The following DACH1 variants were observed in gnomAD, a reference collection of about 807,000 sequenced individuals.
DACH1 encodes the protein dachshund homolog 1.
A neutral mutation model predicts 54.2 loss-of-function variants in DACH1; 12 were observed. The observed-to-expected ratio is 0.22, with a 90% CI of 0.14 to 0.36. The LOEUF (loss-of-function observed/expected upper bound fraction) is 0.36. Ranked by LOEUF, DACH1 falls within the 10% of genes least tolerant of loss-of-function variation. The pLI is 1.00. For synonymous variants in DACH1, 386 were observed against 366.2 expected, an observed-to-expected ratio of 1.05 and a Z score of -0.62; for missense variants, 805 against 929.8, an observed-to-expected ratio of 0.87 and a Z score of 1.75.
chr13:71,688,683 C>G (rs114679066), intron 1 of DACH1, among the ~76,000 whole-genome samples: 234 of 152,216 alleles, frequency 1.5e-3, no homozygotes, highest in African/African-American at 5.5e-3. Context: ...ACAAATATCA[C>G]CAGTGGACAC....
intron 3 of DACH1, among the ~76,000 whole-genome samples, chr13:71,583,212 T>C (rs1872972810): frequency 1.3e-5 from 2 of 152,166 alleles, no homozygotes; most frequent in Admixed American, 6.5e-5. Context: ...TACACAATGA[T>C]TCAATGTCTG....
chr13:71,458,884 A>G (rs1245236697), intron 10 of DACH1, among the ~76,000 whole-genome samples: 1 of 151,826 alleles, frequency 6.6e-6, no homozygotes, highest in Non-Finnish European at 1.5e-5. Context: ...TATTAGAAGT[A>G]TTTGTTTCTG....
chr13:71,494,675 C>T (rs897445733), intron 6 of DACH1, among the ~76,000 whole-genome samples: 5 of 151,910 alleles, frequency 3.3e-5, no homozygotes, highest in African/African-American at 1.2e-4. Flanking sequence ...AAAAATAAAG[C>T]AGCACATATT....
intron 10 of DACH1, among the ~76,000 whole-genome samples, chr13:71,448,201 C>T (rs1166494365): frequency 6.6e-6 from 1 of 152,200 alleles, no homozygotes; most frequent in Admixed American, 6.5e-5. Flanking sequence ...AGATGCCTCA[C>T]TCTTCCAGAG....
Position 71,698,406 on chromosome 13 carries a change from A to T in DACH1, c.849-16496T>A, listed in dbSNP as rs192381190. Among the ~76,000 whole-genome samples the T allele has an allele frequency of 4.1e-4, 62 of 152,244 alleles. 1 individual carries two copies. The East Asian group carries it at 8.7e-3, about 21-fold the overall frequency. On this transcript the variant is annotated intron_variant, in intron 1 of 10. Coordinates refer to ENST00000613252, the MANE Select transcript of DACH1 (RefSeq NM_080759.6). ...CAAAGCTAAAACATACTGATACGAC[A>T]CTGGTAGAATATAATATTTCTCAAA...
chr13:71,597,041 G>C (rs1593958512), intron 3 of DACH1, among the ~76,000 whole-genome samples: 1 of 151,976 alleles, frequency 6.6e-6, no homozygotes, highest in Non-Finnish European at 1.5e-5. Flanking sequence ...AAGAAAACTG[G>C]TATTTGAAGT....
intron 1 of DACH1, among the ~76,000 whole-genome samples, chr13:71,757,488 T>G (rs1222144135): frequency 2.6e-5 from 4 of 151,922 alleles, no homozygotes; most frequent in African/African-American, 9.7e-5. Context: ...CTCACCAGTC[T>G]GTTGTTGAAA....
At chr13:71,662,568 C>T (rs1005338219) in intron 2 of DACH1, among the ~76,000 whole-genome samples, 1 of 151,684 alleles carries the variant, frequency 6.6e-6, no homozygotes, top group African/African-American at 2.4e-5. Flanking sequence ...ATGATAAATC[C>T]CAATAGATGG....
intron 1 of DACH1, among the ~76,000 whole-genome samples, chr13:71,779,194 T>TA (rs1308959657): frequency 1.4e-4 from 18 of 124,602 alleles, no homozygotes; most frequent in South Asian, 1.4e-3. Context: ...TATACGTATA[T>TA]ACGTATATAT....
At chr13:71,835,874 C>A (rs1176712553) in intron 1 of DACH1, among the ~76,000 whole-genome samples, 1 of 152,042 alleles carries the variant, frequency 6.6e-6, no homozygotes, top group Admixed American at 6.6e-5. Flanking sequence ...TCCTACAAAT[C>A]TTCTACTATC....
At chr13:71,704,591 T>A in intron 1 of DACH1, 4 of 469,488 alleles carry the variant, frequency 8.5e-6, no homozygotes, top group Non-Finnish European at 1.7e-5. Flanking sequence ...GAAGCACACT[T>A]TATGAGAACC....
chr13:71,599,828 TACACAC>T (rs113936121), intron 3 of DACH1, among the ~76,000 whole-genome samples: 26 of 146,606 alleles, frequency 1.8e-4, no homozygotes, highest in Non-Finnish European at 2.6e-4. Context: ...AACACATTTC[TACACAC>T]ACACACACAC....
At chr13:71,470,792 T>A (rs1877004188) in intron 10 of DACH1, among the ~76,000 whole-genome samples, 2 of 152,186 alleles carry the variant, frequency 1.3e-5, no homozygotes, top group Admixed American at 1.3e-4. Context: ...GGCACCACTA[T>A]GTGCCAGATA....
chr13:71,518,643 T>C (rs1593824567), intron 6 of DACH1, among the ~76,000 whole-genome samples: 1 of 151,930 alleles, frequency 6.6e-6, no homozygotes, highest in African/African-American at 2.4e-5. Flanking sequence ...TTAGTCCATG[T>C]GTGTTCAAGC....
At chr13:71,819,219 G>A (rs1313512536) in intron 1 of DACH1, among the ~76,000 whole-genome samples, 1 of 152,184 alleles carries the variant, frequency 6.6e-6, no homozygotes, top group Non-Finnish European at 1.5e-5. Context: ...GCAGCAGGAA[G>A]GAAGGAAGAG....
At chr13:71,801,850 G>GAA (rs540836925) in intron 1 of DACH1, among the ~76,000 whole-genome samples, 9 of 86,490 alleles carry the variant, frequency 1.0e-4, no homozygotes, top group African/African-American at 8.6e-5. Context: ...ACTGAAAAAA[G>GAA]AAAAAAAAAA....
chr13:71,629,778 G>A (rs1876947715), intron 3 of DACH1, among the ~76,000 whole-genome samples: 1 of 151,984 alleles, frequency 6.6e-6, no homozygotes, highest in South Asian at 2.1e-4. Context: ...ATTATATTTT[G>A]AGCATGGTCA....
intron 5 of DACH1, among the ~76,000 whole-genome samples, chr13:71,558,858 C>A (rs953721735): frequency 1.3e-5 from 2 of 152,006 alleles, no homozygotes; most frequent in Admixed American, 6.6e-5. Flanking sequence ...ACAATTTTCA[C>A]TTTATGCATA....
chr13:71,491,153 A>T (rs1325018170), intron 6 of DACH1, among the ~76,000 whole-genome samples: 1 of 152,204 alleles, frequency 6.6e-6, no homozygotes, highest in African/African-American at 2.4e-5. Context: ...CATGATGCAT[A>T]AATTTATGTA....
Sources: allele counts gnomAD v4.1 joint callset (sites outside exome capture counted in the v4.1 genomes callset), GRCh38; gene constraint gnomAD v4.1.1; transcripts MANE v1.5; gene names NCBI Gene and HGNC (gene_info 2026-07-23, HGNC 2026-07-21).